The following HEMK2 variants were observed in gnomAD, a reference collection of about 807,000 sequenced individuals.
The protein encoded by HEMK2 is HemK methyltransferase 2, ETF1 glutamine and histone H4 lysine.
chr21:28,799,244 A>T, the HEMK2 span, among the ~76,000 whole-genome samples: 6 of 152,200 alleles, frequency 3.9e-5, no homozygotes, highest in Admixed American at 2.0e-4. Flanking sequence ...ATCATGGAGG[A>T]AGGTGAAAGG....
At chr21:28,667,451 T>C in the HEMK2 span, among the ~76,000 whole-genome samples, 2 of 152,166 alleles carry the variant, frequency 1.3e-5, no homozygotes, top group African/African-American at 2.4e-5. Flanking sequence ...TGCAGCAGAT[T>C]GTCCTTCACT....
the HEMK2 span, among the ~76,000 whole-genome samples, chr21:28,812,680 T>C: frequency 6.6e-6 from 1 of 152,232 alleles, no homozygotes; most frequent in Non-Finnish European, 1.5e-5. Flanking sequence ...GTCCCTCTTT[T>C]TCTATTGTTT....
chr21:28,647,321 T>TAAAAAAAAAAAAA, the HEMK2 span, among the ~76,000 whole-genome samples: 6 of 46,442 alleles, frequency 1.3e-4, no homozygotes, highest in East Asian at 7.7e-4. Flanking sequence ...CCATCTCTAC[T>TAAAAAAAAAAAAA]AAAAAAAAAA....
the HEMK2 span, among the ~76,000 whole-genome samples, chr21:28,789,629 T>C: frequency 6.6e-6 from 1 of 152,204 alleles, no homozygotes; most frequent in African/African-American, 2.4e-5. Flanking sequence ...TTAAATGATA[T>C]CAAGTCCTAC....
At chr21:28,677,642 C>T in the HEMK2 span, among the ~76,000 whole-genome samples, 1 of 152,188 alleles carries the variant, frequency 6.6e-6, no homozygotes, top group Non-Finnish European at 1.5e-5. Context: ...CTGGGAGGCA[C>T]CCCCCAGTAG....
At chr21:28,789,117 A>T in the HEMK2 span, among the ~76,000 whole-genome samples, 13 of 151,430 alleles carry the variant, frequency 8.6e-5, no homozygotes, top group South Asian at 1.0e-3. Flanking sequence ...TTTTAAGTTT[A>T]AAAAAAAAGG....
the HEMK2 span, among the ~76,000 whole-genome samples, chr21:28,686,195 G>T: frequency 1.6e-4 from 25 of 152,112 alleles, no homozygotes; most frequent in East Asian, 3.1e-3. Flanking sequence ...TCACCATTAG[G>T]TTTTTTGTTT....
the HEMK2 span, among the ~76,000 whole-genome samples, chr21:28,676,406 T>C: frequency 2.0e-5 from 3 of 152,158 alleles, no homozygotes; most frequent in Non-Finnish European, 2.9e-5. Flanking sequence ...TCAAAGACCC[T>C]ATTTCCAAAT....
At chr21:28,591,299 G>C in the HEMK2 span, among the ~76,000 whole-genome samples, 2 of 152,304 alleles carry the variant, frequency 1.3e-5, no homozygotes, top group African/African-American at 4.8e-5. Context: ...GAGAAAGTTA[G>C]CATGAAAAAT....
At chr21:28,593,877 G>A in the HEMK2 span, among the ~76,000 whole-genome samples, 1 of 152,102 alleles carries the variant, frequency 6.6e-6, no homozygotes, top group Non-Finnish European at 1.5e-5. Context: ...TACCCTCATC[G>A]AGGTAGAGCA....
At chr21:28,854,730 T>C in the HEMK2 span, among the ~76,000 whole-genome samples, 9 of 152,112 alleles carry the variant, frequency 5.9e-5, no homozygotes, top group African/African-American at 2.2e-4. Flanking sequence ...TCTTTTCACA[T>C]TTTTCTGCCT....
chr21:28,854,953 C>T, the HEMK2 span, among the ~76,000 whole-genome samples: 1 of 152,092 alleles, frequency 6.6e-6, no homozygotes, highest in Non-Finnish European at 1.5e-5. Flanking sequence ...AGCAGCCACA[C>T]CATCAAGTCT....
At chr21:28,859,262 ATTTG>A in the HEMK2 span, among the ~76,000 whole-genome samples, 1 of 152,128 alleles carries the variant, frequency 6.6e-6, no homozygotes, top group African/African-American at 2.4e-5. Flanking sequence ...GTTTTTTAGT[ATTTG>A]TTTAATGATT....
chr21:28,640,465 TG>T, the HEMK2 span, among the ~76,000 whole-genome samples: 31 of 152,186 alleles, frequency 2.0e-4, no homozygotes, highest in African/African-American at 5.1e-4. Context: ...TCATTGAGTT[TG>T]GGGAAGAGTT....
At chr21:28,840,042 G>C in the HEMK2 span, among the ~76,000 whole-genome samples, 1 of 152,174 alleles carries the variant, frequency 6.6e-6, no homozygotes, top group African/African-American at 2.4e-5. Context: ...GAACAGAAGA[G>C]AGAACCCAGA....
At chr21:28,880,089 A>T in the HEMK2 span, 1 of 490,966 alleles carries the variant, frequency 2.0e-6, no homozygotes, top group South Asian at 5.9e-5. Flanking sequence ...ACAGAAATGA[A>T]GTATTTTTAT....
chr21:28,766,401 T>C, the HEMK2 span, among the ~76,000 whole-genome samples: 1 of 151,666 alleles, frequency 6.6e-6, no homozygotes, highest in African/African-American at 2.4e-5. Context: ...TTTATACTGC[T>C]GGTGGGAGTG....
chr21:28,645,286 T>C, the HEMK2 span, among the ~76,000 whole-genome samples: 1 of 152,242 alleles, frequency 6.6e-6, no homozygotes, highest in African/African-American at 2.4e-5. Context: ...TCTGTGAATT[T>C]AGTCTATCTC....
the HEMK2 span, among the ~76,000 whole-genome samples, chr21:28,774,220 C>A: frequency 6.6e-6 from 1 of 151,938 alleles, no homozygotes; most frequent in Non-Finnish European, 1.5e-5. Context: ...AGCTGTCTCA[C>A]GTTTCTCCTG....
Sources: gnomAD v4.1 joint callset for allele counts (sites outside exome capture counted in the v4.1 genomes callset) on GRCh38, gnomAD v4.1.1 for gene constraint, MANE v1.5 for transcripts, NCBI Gene and HGNC (gene_info 2026-07-23, HGNC 2026-07-21) for gene names.